PPARD: variants seen among roughly 807,000 people sequenced by gnomAD.
The protein encoded by PPARD is peroxisome proliferator activated receptor delta, also known as peroxisome proliferator-activated receptor delta.
A neutral mutation model predicts 39.5 loss-of-function variants in PPARD; 6 were observed. The observed-to-expected ratio is 0.15, with a 90% CI of 0.08 to 0.30. The LOEUF is 0.30. PPARD is among the 10% of genes least tolerant of loss of function. PPARD has a pLI of 1.00. For missense variants in PPARD, 397 were observed against 596.8 expected, an observed-to-expected ratio of 0.67 and a Z score of 3.49; for synonymous variants, 210 against 231.3, an observed-to-expected ratio of 0.91 and a Z score of 0.83.
At chr6:35,409,168 C>T (rs1765261901) in intron 2 of PPARD, among the ~76,000 whole-genome samples, 1 of 152,108 alleles carries the variant, frequency 6.6e-6, no homozygotes, top group African/African-American at 2.4e-5. Flanking sequence ...TCCCTCTCAT[C>T]TTCCACATTA....
At chr6:35,342,767 C>G (rs564138934) in intron 1 of PPARD, 86 bp downstream of exon 1, 59 of 152,480 alleles carry the variant, frequency 3.9e-4, no homozygotes, top group African/African-American at 1.4e-3. Context: ...GACTGGGGCG[C>G]AAGGCCCGGC....
chr6:35,343,499 C>T (rs1210797296), intron 1 of PPARD, among the ~76,000 whole-genome samples: 10 of 151,698 alleles, frequency 6.6e-5, no homozygotes, highest in Non-Finnish European at 1.5e-5. Context: ...CTCTACTCTA[C>T]TTTCACTTGA....
At chr6:35,392,250 G>C (rs1256370717) in intron 2 of PPARD, among the ~76,000 whole-genome samples, 5 of 150,578 alleles carry the variant, frequency 3.3e-5, no homozygotes, top group African/African-American at 9.8e-5. Flanking sequence ...TTATTTCAAG[G>C]GTGGCTCAGA....
At chr6:35,393,861 C>T in intron 2 of PPARD, among the ~76,000 whole-genome samples, 1 of 152,142 alleles carries the variant, frequency 6.6e-6, no homozygotes, top group East Asian at 1.9e-4. Flanking sequence ...TAGGCATGCA[C>T]TTGGAAAGGG....
chr6:35,374,308 T>TGC (rs1554205487), intron 2 of PPARD, among the ~76,000 whole-genome samples: 7 of 126,174 alleles, frequency 5.5e-5, no homozygotes, highest in African/African-American at 3.1e-4. Context: ...TTCTCGGCGG[T>TGC]GGGGCGGGGG....
intron 2 of PPARD, among the ~76,000 whole-genome samples, chr6:35,383,587 G>A (rs1274135123): frequency 2.2e-5 from 3 of 135,650 alleles, no homozygotes; most frequent in Admixed American, 2.1e-4. Flanking sequence ...GAGGTGAGGA[G>A]CGCCTCTTTC....
intron 3 of PPARD, among the ~76,000 whole-genome samples, chr6:35,417,448 A>G (rs1765845716): frequency 6.8e-6 from 1 of 148,022 alleles, no homozygotes; most frequent in East Asian, 2.0e-4. Flanking sequence ...ACGACACCCA[A>G]CTATTTTTTT....
chr6:35,411,533 C>T (rs1364134118), intron 3 of PPARD, among the ~76,000 whole-genome samples: 1 of 152,132 alleles, frequency 6.6e-6, no homozygotes, highest in African/African-American at 2.4e-5. Context: ...ATTAGTATTC[C>T]CACCACTGTT....
chr6:35,359,738 A>C (rs1258822463), intron 2 of PPARD, among the ~76,000 whole-genome samples: 1 of 152,184 alleles, frequency 6.6e-6, no homozygotes, highest in Non-Finnish European at 1.5e-5. Context: ...TGTTGAATGC[A>C]TTGTGCTGAT....
chr6:35,426,366 C>A lies in PPARD; in HGVS notation c.*287C>A. Reference sequence around the variant, plus strand: ...TCCTTTCTGTAGGTTTCTCTCTTCCCTTCTCCCTTGCCCTCCCTTTCTCTC... The same window carrying A: ...TCCTTTCTGTAGGTTTCTCTCTTCCATTCTCCCTTGCCCTCCCTTTCTCTC... On this transcript the variant is annotated 3_prime_UTR_variant, in exon 8 of 8. Transcript: ENST00000360694. 1 of 488,222 alleles carries A rather than the reference C, an allele frequency of 2.0e-6. No individual in the cohort carries two copies. The highest frequency in any genetic ancestry group is 3.7e-6 in the Non-Finnish European group (1 of 271,330). The allele number at this position is 488,222 out of a possible 1,614,324, so 30.2% of individuals were successfully genotyped here. A position where few individuals can be genotyped will look rare whatever the true frequency, so the allele number is the denominator to read the frequency against.
At chr6:35,415,256 A>G (rs1562219412) in intron 3 of PPARD, among the ~76,000 whole-genome samples, 2 of 152,224 alleles carry the variant, frequency 1.3e-5, no homozygotes, top group Non-Finnish European at 2.9e-5. Flanking sequence ...GGACAGCAGA[A>G]GTAAAGAGGC....
intron 5 of PPARD, 38 bp downstream of exon 5, chr6:35,421,996 C>T (rs372122364): frequency 1.3e-6 from 2 of 1,567,806 alleles, no homozygotes; most frequent in African/African-American, 2.7e-5. Flanking sequence ...GCTGCTGGCT[C>T]CACACAGCCT....
intron 3 of PPARD, among the ~76,000 whole-genome samples, chr6:35,416,744 G>A (rs922194413): frequency 5.3e-5 from 8 of 152,194 alleles, no homozygotes; most frequent in African/African-American, 1.9e-4. Context: ...CTTTCTTTCA[G>A]CAGAGAGGGA....
chr6:35,357,357 T>C (rs1174918117), intron 2 of PPARD, among the ~76,000 whole-genome samples: 2 of 152,164 alleles, frequency 1.3e-5, no homozygotes, highest in African/African-American at 4.8e-5. Flanking sequence ...TAAAAGCCTT[T>C]AGGAAAGTGC....
At chr6:35,371,637 T>C (rs927972865) in intron 2 of PPARD, among the ~76,000 whole-genome samples, 10 of 152,182 alleles carry the variant, frequency 6.6e-5, no homozygotes, top group African/African-American at 2.4e-4. Context: ...CTTTTGAGTG[T>C]TTCTCCCCAC....
Position 35,426,277 on chromosome 6 carries a change from T to C in PPARD, c.*198T>C. 1 of 634,472 alleles carries C rather than the reference T, an allele frequency of 1.6e-6. No homozygotes were observed. The allele number at this position is 634,472 out of a possible 1,614,324, so 39.3% of individuals were successfully genotyped here. A position where few individuals can be genotyped will look rare whatever the true frequency, so the allele number is the denominator to read the frequency against. The stretch of plus-strand genomic sequence containing the variant: ...CGCTTCCTCCAGCCAGCTCTCTTCC[T>C]GTCTTTGTTGTCTCCCTCTTTCTCA... On this transcript the variant is annotated 3_prime_UTR_variant, in exon 8 of 8. Transcript: ENST00000360694.
chr6:35,402,675 G>T (rs901995562), intron 2 of PPARD, among the ~76,000 whole-genome samples: 11 of 152,176 alleles, frequency 7.2e-5, no homozygotes, highest in Non-Finnish European at 1.3e-4. Flanking sequence ...ATTGGCCTCA[G>T]GTGACTCTCT....
At chr6:35,348,713 G>T (rs1437360074) in intron 2 of PPARD, 1 of 985,364 alleles carries the variant, frequency 1.0e-6, no homozygotes, top group African/African-American at 1.7e-5. Flanking sequence ...GTTGTTTGTA[G>T]ATCTTTCAGG....
intron 2 of PPARD, among the ~76,000 whole-genome samples, chr6:35,393,215 G>A (rs921588888): frequency 6.6e-6 from 1 of 152,156 alleles, no homozygotes; most frequent in Non-Finnish European, 1.5e-5. Context: ...CCAGGGCTCT[G>A]GCAGCCAAGT....
Sources: allele counts gnomAD v4.1 joint callset (sites outside exome capture counted in the v4.1 genomes callset), GRCh38; gene constraint gnomAD v4.1.1; transcripts MANE v1.5; gene names NCBI Gene and HGNC (gene_info 2026-07-23, HGNC 2026-07-21).